The following UROS variants were observed in gnomAD, a reference collection of about 807,000 sequenced individuals.
UROS encodes uroporphyrinogen III synthase, also known as uroporphyrinogen-III synthase.
In UROS, 18 loss-of-function variants were observed where a neutral mutation model predicts 33.0. That is an observed-to-expected ratio of 0.55 (90% CI 0.38 to 0.81). The LOEUF is 0.81. Among genes scored for constraint, UROS ranks in the 30% least tolerant of loss-of-function variants. The pLI, the probability that UROS is intolerant of heterozygous loss-of-function variation, is 0.00. For missense variants in UROS, 293 were observed against 314.9 expected (o/e 0.93, Z 0.53); for synonymous variants, 114 against 121.1 (o/e 0.94, Z 0.38).
At chr10:125,801,535 T>C (rs561610933) in intron 6 of UROS, among the ~76,000 whole-genome samples, 2 of 152,372 alleles carry the variant, frequency 1.3e-5, no homozygotes, top group East Asian at 3.9e-4. Flanking sequence ...GCTTTTAAAA[T>C]CAGGCATCAA....
At chr10:125,798,663 T>G (rs1241755226) in intron 6 of UROS, among the ~76,000 whole-genome samples, 1 of 152,184 alleles carries the variant, frequency 6.6e-6, no homozygotes, top group Non-Finnish European at 1.5e-5. Flanking sequence ...CCACTCCTCT[T>G]CTAGCCACAC....
intron 5 of UROS, among the ~76,000 whole-genome samples, chr10:125,811,223 A>T (rs1008664709): frequency 6.6e-6 from 1 of 152,354 alleles, no homozygotes; most frequent in Non-Finnish European, 1.5e-5. Flanking sequence ...TGAATGTGTG[A>T]AAGTTTGGAA....
chr10:125,808,035 C>A (rs1852484675), intron 5 of UROS, among the ~76,000 whole-genome samples: 1 of 152,124 alleles, frequency 6.6e-6, no homozygotes, highest in African/African-American at 2.4e-5. Flanking sequence ...TAACAGGGAC[C>A]CACAGCGCTA....
intron 6 of UROS, among the ~76,000 whole-genome samples, chr10:125,803,327 G>T (rs10901440): frequency 0.42 from 63,161 of 151,650 alleles, 13,354 homozygotes; most frequent in Non-Finnish European, 0.46. Context: ...CAAACTCCCT[G>T]ATAGCATTTC....
intron 9 of UROS, chr10:125,794,446 G>A (rs1445362765): frequency 2.5e-6 from 2 of 799,090 alleles, no homozygotes; most frequent in African/African-American, 1.9e-5. Flanking sequence ...ACAGTCCCTA[G>A]TAAGTGAGAA....
chr10:125,815,843 T>G lies in UROS; in HGVS notation c.147+334A>C, dbSNP rs191000628. 5.3e-5 allele frequency among the ~76,000 whole-genome samples: 8 copies of G among 152,322 alleles called. No homozygotes were observed. The South Asian group carries it at 1.2e-3, about 24-fold the overall frequency. On this transcript the variant is annotated intron_variant, in intron 3 of 9. Coordinates refer to ENST00000368797, the MANE Select transcript of UROS (RefSeq NM_000375.3). ...ACGGGAAAATAATACCTCCCTGGCC[T>G]GCTTTGCAGAAGTTGGGGGTGAGGG...
chr10:125,803,895 G>T (rs533788224), intron 6 of UROS, among the ~76,000 whole-genome samples: 5 of 152,378 alleles, frequency 3.3e-5, no homozygotes, highest in African/African-American at 1.2e-4. Flanking sequence ...GCCCTTCTCT[G>T]TGGAGAGGAG....
At chr10:125,789,463 A>C in intron 9 of UROS, 1 of 820,414 alleles carries the variant, frequency 1.2e-6, no homozygotes, top group Non-Finnish European at 1.5e-6. Context: ...TTGGGATTTA[A>C]ATCCCAGCTC....
At chr10:125,796,962 T>G in intron 7 of UROS, 1 of 584,300 alleles carries the variant, frequency 1.7e-6, no homozygotes, top group Non-Finnish European at 2.2e-6. Flanking sequence ...AGAAATAAAC[T>G]GAAGTATCAA....
At chr10:125,805,576 C>T (rs1435675603) in intron 6 of UROS, among the ~76,000 whole-genome samples, 1 of 152,122 alleles carries the variant, frequency 6.6e-6, no homozygotes, top group East Asian at 1.9e-4. Context: ...GTGCCACTGG[C>T]CACAGTGACA....
intron 3 of UROS, among the ~76,000 whole-genome samples, chr10:125,815,752 C>T (rs1266625381): frequency 1.3e-5 from 2 of 152,222 alleles, no homozygotes; most frequent in Non-Finnish European, 2.9e-5. Context: ...GTTTGAGTCC[C>T]AGCCCTGTCT....
At chr10:125,812,624 A>C (rs1311274010) in intron 4 of UROS, among the ~76,000 whole-genome samples, 1 of 152,210 alleles carries the variant, frequency 6.6e-6, no homozygotes, top group Non-Finnish European at 1.5e-5. Context: ...TTAAATCTAG[A>C]CTTTTAAAGA....
At chr10:125,805,679 G>A (rs60719312) in intron 6 of UROS, among the ~76,000 whole-genome samples, 5 of 152,118 alleles carry the variant, frequency 3.3e-5, no homozygotes, top group East Asian at 1.9e-4. Context: ...TTAAATAGCC[G>A]TATGTGGCTA....
chr10:125,796,329 A>T (rs553023708), intron 7 of UROS, 141 bp from the exon 8 acceptor site: 1 of 855,508 alleles, frequency 1.2e-6, no homozygotes, highest in African/African-American at 1.7e-5. Flanking sequence ...GAGAGGCCAG[A>T]CTCAGCAGAG....
chr10:125,794,930 T>A lies in UROS; in HGVS notation c.610A>T (p.Ser204Cys). 1 of 1,614,136 alleles carries A rather than the reference T, an allele frequency of 6.2e-7. No homozygotes were observed. The highest frequency in any genetic ancestry group is 8.5e-7 in the Non-Finnish European group (1 of 1,180,018). Residue 204 changes from serine (S) to cysteine (C), a missense_variant, in exon 9 of 10, where the codon AGT becomes TGT. Coordinates refer to ENST00000368797, the MANE Select transcript of UROS (RefSeq NM_000375.3). ...GATAACTCCTGAATGTGCTTGAGAC[T>A]GTATGTGAGGCCAGAGGGACTAAAA... ...TFFSPSGLTYSLKHIQELSGD... is the reference protein window; with the variant it reads ...TFFSPSGLTYCLKHIQELSGD...
intron 5 of UROS, among the ~76,000 whole-genome samples, chr10:125,811,921 T>G (rs9651507): frequency 0.42 from 64,209 of 151,964 alleles, 13,830 homozygotes; most frequent in Non-Finnish European, 0.47. Flanking sequence ...TCAGTGGCAT[T>G]ATGTACATTC....
At chr10:125,787,062 G>A (rs191833302), downstream of UROS, among the ~76,000 whole-genome samples, 7 of 152,308 alleles carry the variant, frequency 4.6e-5, no homozygotes, top group Non-Finnish European at 1.0e-4. Flanking sequence ...CTTTAACCAC[G>A]CCCTGGCGCA....
chr10:125,818,516 T>A (rs1361339081), intron 1 of UROS, among the ~76,000 whole-genome samples: 2 of 151,094 alleles, frequency 1.3e-5, no homozygotes, highest in African/African-American at 4.9e-5. Context: ...ATAATAATAA[T>A]ATAAAATTAA....
chr10:125,814,182 G>A (rs180978489), intron 4 of UROS, among the ~76,000 whole-genome samples: 20 of 152,336 alleles, frequency 1.3e-4, no homozygotes, highest in Admixed American at 7.2e-4. Context: ...ACTGTTAGTA[G>A]ATAATCCCAT....
Sources: gnomAD v4.1 joint callset for allele counts (sites outside exome capture counted in the v4.1 genomes callset) on GRCh38, gnomAD v4.1.1 for gene constraint, MANE v1.5 for transcripts, NCBI Gene and HGNC (gene_info 2026-07-23, HGNC 2026-07-21) for gene names.